The following PICALM variants were observed in gnomAD, a reference collection of about 807,000 sequenced individuals.
PICALM encodes phosphatidylinositol-binding clathrin assembly protein.
In PICALM, 40 loss-of-function variants were observed where a neutral mutation model predicts 80.5. The ratio of observed to expected loss-of-function variants is 0.50; its 90% CI spans 0.39 to 0.65. The LOEUF (loss-of-function observed/expected upper bound fraction) is 0.65, where lower values mean the gene tolerates loss of function less well. PICALM is among the 30% of genes least tolerant of loss of function. The pLI is 0.00. For synonymous variants in PICALM, 288 were observed against 260.3 expected (o/e 1.11, Z -1.02); for missense variants, 676 against 778.9 (o/e 0.87, Z 1.57).
intron 1 of PICALM, among the ~76,000 whole-genome samples, chr11:86,049,301 A>C (rs564267650): frequency 4.0e-4 from 61 of 152,296 alleles, no homozygotes; most frequent in African/African-American, 1.2e-3. Flanking sequence ...ACAAAAAAAA[A>C]CATAAATCAG....
rs767918405 is a variant in PICALM, at chr11:85,981,906, A to C, written c.1614T>G (p.Asp538Glu). The C allele has an allele frequency of 3.1e-6, 5 of 1,613,852 alleles. No individual in the cohort carries two copies. Among genetic ancestry groups the C allele is most frequent in the Non-Finnish European group, 4.2e-6 (5 of 1,179,690 alleles). Reference sequence around the variant, plus strand: ...GGTTGGCTAAAGATGAATCCAAGTCATCAGATACTAACTTGCTAGGTGGGA... The same window carrying C: ...GGTTGGCTAAAGATGAATCCAAGTCCTCAGATACTAACTTGCTAGGTGGGA... ...AKLPPSKLVS[D>E]DLDSSLANLV... The change falls in exon 15 of 20, where the codon GAT becomes GAG. Residue 538 changes from aspartate (D) to glutamate (E), a missense_variant. Transcript: ENST00000393346.
intron 19 of PICALM, chr11:85,960,775 C>A (rs1398922666): frequency 7.8e-7 from 1 of 1,274,396 alleles, no homozygotes; most frequent in Non-Finnish European, 1.0e-6. Flanking sequence ...ATGCTGCCGA[C>A]AGCTGGGGGA....
chr11:86,062,283 G>A (rs1199343682), intron 1 of PICALM, among the ~76,000 whole-genome samples: 17 of 152,178 alleles, frequency 1.1e-4, no homozygotes, highest in African/African-American at 4.1e-4. Flanking sequence ...TTGGGAGGCC[G>A]AGGTGGGTGG....
chr11:86,050,420 T>TA (rs1413059657), intron 1 of PICALM, among the ~76,000 whole-genome samples: 1 of 152,144 alleles, frequency 6.6e-6, no homozygotes, highest in Non-Finnish European at 1.5e-5. Context: ...TGCAAGCAAT[T>TA]ACAGCCACAA....
chr11:85,959,119 A>C, intron 19 of PICALM, 59 bp from the exon 20 acceptor site: 10 of 1,242,968 alleles, frequency 8.0e-6, no homozygotes, highest in Non-Finnish European at 1.2e-5. Flanking sequence ...TCTCATAAAT[A>C]AAAATGCTTT....
chr11:86,019,621 T>G (rs909129599), intron 4 of PICALM, among the ~76,000 whole-genome samples: 4 of 152,184 alleles, frequency 2.6e-5, no homozygotes, highest in Non-Finnish European at 5.9e-5. Context: ...AAAATCAGAC[T>G]TCTAAAAAAG....
At chr11:86,003,659 C>CA (rs771480938) in intron 8 of PICALM, 2 of 375,142 alleles carry the variant, frequency 5.3e-6, no homozygotes, top group Non-Finnish European at 9.5e-6. Flanking sequence ...GAAACATTAT[C>CA]AAAAACGTTA....
chr11:86,045,215 A>C (rs1487331703), intron 1 of PICALM, among the ~76,000 whole-genome samples: 14 of 152,184 alleles, frequency 9.2e-5, no homozygotes, highest in Admixed American at 9.2e-4. Context: ...TTTCCTAATA[A>C]GTTTAATATT....
intron 1 of PICALM, among the ~76,000 whole-genome samples, chr11:86,044,263 T>A (rs541420542): frequency 1.3e-5 from 2 of 152,138 alleles, no homozygotes; most frequent in African/African-American, 4.8e-5. Context: ...AAAATGACTT[T>A]TAAGAATTAT....
chr11:86,066,352 C>T (rs2096447877), intron 1 of PICALM, among the ~76,000 whole-genome samples: 1 of 152,130 alleles, frequency 6.6e-6, no homozygotes, highest in Admixed American at 6.5e-5. Context: ...AACAGAAGCA[C>T]ATTAACGACA....
At chr11:86,046,953 A>T (rs2096082602) in intron 1 of PICALM, among the ~76,000 whole-genome samples, 1 of 152,206 alleles carries the variant, frequency 6.6e-6, no homozygotes, top group Non-Finnish European at 1.5e-5. Flanking sequence ...TTCTTTATAC[A>T]TTACAAAATT....
At chr11:85,965,815 G>GTT (rs914561533) in intron 19 of PICALM, among the ~76,000 whole-genome samples, 38 of 108,154 alleles carry the variant, frequency 3.5e-4, no homozygotes, top group East Asian at 2.4e-3. Context: ...TTGTTTTTTT[G>GTT]TTTTTTTTTT....
chr11:86,013,486 A>AACAC (rs377407936), intron 5 of PICALM, among the ~76,000 whole-genome samples: 1 of 151,538 alleles, frequency 6.6e-6, no homozygotes, highest in South Asian at 2.1e-4. Context: ...TACAAATAGA[A>AACAC]ACACACACAC....
intron 1 of PICALM, among the ~76,000 whole-genome samples, chr11:86,065,737 A>C (rs1378858255): frequency 2.6e-5 from 4 of 152,214 alleles, no homozygotes; most frequent in African/African-American, 9.6e-5. Flanking sequence ...CACACTAGGG[A>C]TGCTAGTCAA....
intron 19 of PICALM, among the ~76,000 whole-genome samples, chr11:85,972,431 A>G (rs1015211816): frequency 1.3e-5 from 2 of 152,324 alleles, no homozygotes; most frequent in Admixed American, 6.5e-5. Flanking sequence ...CCATTTAATT[A>G]GTTGAAGAAC....
intron 9 of PICALM, 41 bp from the exon 10 acceptor site, chr11:86,001,199 C>T (rs1263977997): frequency 6.2e-7 from 1 of 1,602,286 alleles, no homozygotes; most frequent in Admixed American, 1.7e-5. Context: ...TTTTGCTAAA[C>T]ACTTCACATT....
Position 86,068,959 on chromosome 11 carries a change from G to C in PICALM, c.-179C>G, listed in dbSNP as rs1019696072. ...CCACCAGTCCAGAGAGAACCGGCTC[G>C]TGTCACCCGCGGAGTCGGACAAGAT... On this transcript the variant is annotated 5_prime_UTR_variant, in exon 1 of 20. Transcript: ENST00000393346. 2.6e-5 allele frequency: 19 copies of C among 743,876 alleles called. 1 individual carries two copies. Among genetic ancestry groups the C allele is most frequent in the South Asian group, 2.0e-4 (10 of 51,120 alleles). 46.1% of individuals were successfully genotyped at this position (743,876 alleles called of 1,614,324 possible).
At chr11:86,030,942 C>A (rs1346085364) in intron 2 of PICALM, among the ~76,000 whole-genome samples, 2 of 152,028 alleles carry the variant, frequency 1.3e-5, no homozygotes, top group Non-Finnish European at 2.9e-5. Context: ...ATGGAAAGAC[C>A]CCCATCTCTA....
intron 11 of PICALM, among the ~76,000 whole-genome samples, chr11:85,997,313 G>A (rs2094999593): frequency 6.6e-6 from 1 of 152,050 alleles, no homozygotes; most frequent in African/African-American, 2.4e-5. Flanking sequence ...CACAGAACTT[G>A]AATCACATTT....
Sources: gnomAD v4.1 joint callset for allele counts (sites outside exome capture counted in the v4.1 genomes callset) on GRCh38, gnomAD v4.1.1 for gene constraint, MANE v1.5 for transcripts, NCBI Gene and HGNC (gene_info 2026-07-23, HGNC 2026-07-21) for gene names.